GRIN2B: variants seen among roughly 807,000 people sequenced by gnomAD.
The protein encoded by GRIN2B is glutamate receptor ionotropic, NMDA 2B.
In GRIN2B, 5 loss-of-function variants were observed where a neutral mutation model predicts 114.5. The observed-to-expected ratio is 0.04, with a 90% CI of 0.02 to 0.09. The LOEUF is 0.09. Ranked by LOEUF, GRIN2B falls within the 10% of genes least tolerant of loss-of-function variation. The pLI is 1.00. For synonymous variants in GRIN2B, 787 were observed against 745.1 expected (o/e 1.06, Z -0.92); for missense variants, 1,108 against 1,943.5 (o/e 0.57, Z 8.08).
intron 3 of GRIN2B, among the ~76,000 whole-genome samples, chr12:13,791,399 C>A (rs1261735106): frequency 6.7e-6 from 1 of 150,108 alleles, no homozygotes; most frequent in Admixed American, 6.8e-5. Flanking sequence ...TTGCAGTGAG[C>A]CGAGATTGCG....
At chr12:13,768,859 A>C (rs563551975) in intron 3 of GRIN2B, among the ~76,000 whole-genome samples, 7 of 151,954 alleles carry the variant, frequency 4.6e-5, no homozygotes, top group Admixed American at 4.6e-4. Context: ...ACGGTGAAAC[A>C]CCGTCTCTAC....
intron 3 of GRIN2B, among the ~76,000 whole-genome samples, chr12:13,834,197 A>AT (rs756189402): frequency 0.076 from 8,507 of 111,468 alleles, 544 homozygotes; most frequent in African/African-American, 0.15. Flanking sequence ...CGCCTGGCTA[A>AT]TTTTTTTTTT....
chr12:13,841,153 A>G (rs12318431), intron 3 of GRIN2B, among the ~76,000 whole-genome samples: 24,008 of 152,132 alleles, frequency 0.16, 2,451 homozygotes, highest in Non-Finnish European at 0.22. Flanking sequence ...TTGTAACACT[A>G]AAGACAACTT....
intron 3 of GRIN2B, among the ~76,000 whole-genome samples, chr12:13,844,735 T>A (rs779038194): frequency 1.1e-4 from 16 of 152,200 alleles, no homozygotes; most frequent in Non-Finnish European, 2.4e-4. Flanking sequence ...ATAGTGACAA[T>A]AGCTATCTTC....
At chr12:13,737,351 A>G (rs1218146999) in intron 4 of GRIN2B, among the ~76,000 whole-genome samples, 1 of 151,796 alleles carries the variant, frequency 6.6e-6, no homozygotes, top group Non-Finnish European at 1.5e-5. Context: ...AGCTGGGACT[A>G]CAGGCACCTG....
chr12:13,568,918 G>A (rs985472757), intron 12 of GRIN2B, among the ~76,000 whole-genome samples: 8 of 152,126 alleles, frequency 5.3e-5, no homozygotes, highest in African/African-American at 1.9e-4. Flanking sequence ...TGCCTCTGAG[G>A]ACCCTAACCC....
chr12:13,918,647 A>G (rs916632566), intron 2 of GRIN2B, among the ~76,000 whole-genome samples: 1 of 152,212 alleles, frequency 6.6e-6, no homozygotes, highest in Admixed American at 6.5e-5. Context: ...ACGCTCTGCA[A>G]TTAGACATTG....
chr12:13,744,797 C>T (rs952242384), intron 4 of GRIN2B, among the ~76,000 whole-genome samples: 2 of 152,074 alleles, frequency 1.3e-5, no homozygotes, highest in Non-Finnish European at 2.9e-5. Flanking sequence ...CCAGTCTGGG[C>T]GAGCTAACCC....
intron 10 of GRIN2B, among the ~76,000 whole-genome samples, chr12:13,576,172 T>C (rs564290906): frequency 1.1e-4 from 16 of 152,336 alleles, no homozygotes; most frequent in African/African-American, 3.8e-4. Flanking sequence ...TTTTTTATAC[T>C]GTCATTGGAA....
intron 3 of GRIN2B, among the ~76,000 whole-genome samples, chr12:13,764,945 C>T (rs1376086635): frequency 6.6e-6 from 1 of 152,196 alleles, no homozygotes; most frequent in African/African-American, 2.4e-5. Context: ...CACAATGGGG[C>T]CTCTGCCTAT....
chr12:13,647,818 C>A (rs1389197898), intron 5 of GRIN2B, among the ~76,000 whole-genome samples: 2 of 152,086 alleles, frequency 1.3e-5, no homozygotes, highest in Non-Finnish European at 2.9e-5. Context: ...AGGAATACCC[C>A]AGAGGCAGAA....
At position 13,539,817 on chromosome 12, in the gene GRIN2B, T is replaced by C. The variant is rs1483855903; in HGVS notation, c.*22966A>G. The stretch of plus-strand genomic sequence containing the variant: ...CTAATTGTATGGACCTTATGACTTA[T>C]GGGAAAAAAACCCACCACCACCCCA... On this transcript the variant is annotated 3_prime_UTR_variant, in exon 14 of 14. Transcript: ENST00000609686. 1 of 152,184 alleles carries C rather than the reference T, an allele frequency of 6.6e-6. No homozygotes were observed. Among genetic ancestry groups the C allele is most frequent in the Non-Finnish European group, 1.5e-5 (1 of 68,028 alleles). 9.4% of individuals were successfully genotyped at this position (152,184 alleles called of 1,614,324 possible).
In GRIN2B at chr12:13,573,189, C is replaced by T. The variant is rs546706258; in HGVS notation, c.2011-1225G>A. Among the ~76,000 whole-genome samples the T allele has an allele frequency of 2.6e-3, 387 of 149,512 alleles. 38 individuals are homozygous for T. Among genetic ancestry groups the T allele is most frequent in the African/African-American group, 9.2e-3 (368 of 40,178 alleles). ...CTTGGCGGTCGGGCACGGTGGCTCA[C>T]GCCTGTAATCCCAGCACTTTGGGAG... On this transcript the variant is annotated intron_variant, in intron 10 of 13. Coordinates refer to ENST00000609686, the MANE Select transcript of GRIN2B (RefSeq NM_000834.5).
At chr12:13,617,984 C>A (rs1949465462) in intron 5 of GRIN2B, among the ~76,000 whole-genome samples, 1 of 152,184 alleles carries the variant, frequency 6.6e-6, no homozygotes, top group Non-Finnish European at 1.5e-5. Context: ...CTACACAGTC[C>A]TTGTTTGGCT....
At chr12:13,764,072 G>T (rs1272706305) in intron 3 of GRIN2B, among the ~76,000 whole-genome samples, 2 of 151,322 alleles carry the variant, frequency 1.3e-5, no homozygotes, top group Non-Finnish European at 2.9e-5. Flanking sequence ...CACTAGGATG[G>T]ATGCCCAGCT....
intron 2 of GRIN2B, among the ~76,000 whole-genome samples, chr12:13,890,671 T>C (rs1866244236): frequency 6.6e-6 from 1 of 152,184 alleles, no homozygotes; most frequent in South Asian, 2.1e-4. Flanking sequence ...TGGGATTATA[T>C]GTTTCTCCCA....
intron 4 of GRIN2B, among the ~76,000 whole-genome samples, chr12:13,709,724 C>A (rs1200270994): frequency 6.6e-6 from 1 of 151,978 alleles, no homozygotes; most frequent in Non-Finnish European, 1.5e-5. Context: ...AAAACGAAGT[C>A]CCGGCAGGTA....
intron 2 of GRIN2B, among the ~76,000 whole-genome samples, chr12:13,957,876 A>G (rs1258241956): frequency 6.6e-6 from 1 of 152,188 alleles, no homozygotes; most frequent in Non-Finnish European, 1.5e-5. Context: ...AGATTAGGCA[A>G]ATTACTAACC....
chr12:13,570,882 A>T (rs1478190948), intron 11 of GRIN2B, among the ~76,000 whole-genome samples: 1 of 152,202 alleles, frequency 6.6e-6, no homozygotes, highest in African/African-American at 2.4e-5. Flanking sequence ...TCACCTTGTT[A>T]GGTACCCGAT....
Sources: allele counts gnomAD v4.1 joint callset (sites outside exome capture counted in the v4.1 genomes callset), GRCh38; gene constraint gnomAD v4.1.1; transcripts MANE v1.5; gene names NCBI Gene and HGNC (gene_info 2026-07-23, HGNC 2026-07-21).